Variants in TRMT61A observed in about 807,000 individuals in gnomAD.
TRMT61A encodes tRNA (adenine(58)-N(1))-methyltransferase catalytic subunit TRMT61A.
TRMT61A carries 15 observed loss-of-function variants against 21.3 expected under a neutral mutation model. That is an observed-to-expected ratio of 0.70 (90% CI 0.47 to 1.08). The LOEUF (loss-of-function observed/expected upper bound fraction) is 1.08. TRMT61A is among the 50% of genes least tolerant of loss of function. TRMT61A has a pLI of 0.00. For missense variants in TRMT61A, 352 were observed against 426.7 expected, an observed-to-expected ratio of 0.83 and a Z score of 1.54; for synonymous variants, 183 against 185.5, an observed-to-expected ratio of 0.99 and a Z score of 0.11.
intron 2 of TRMT61A, 67 bp downstream of exon 2, chr14:103,530,376 G>A: frequency 2.9e-6 from 4 of 1,370,994 alleles, no homozygotes; most frequent in South Asian, 2.7e-5. Flanking sequence ...AGAGCCTCCA[G>A]CCTGCCCTTC....
chr14:103,531,456 C>T lies in TRMT61A; in HGVS notation c.332-1126C>T, dbSNP rs1023096906. Reference sequence around the variant, plus strand: ...AGGCCCTGCAGTTGGAGCATGCTGCCGAGTCAGGCTCAGTGGGGGAGGCAG... The same window carrying T: ...AGGCCCTGCAGTTGGAGCATGCTGCTGAGTCAGGCTCAGTGGGGGAGGCAG... On this transcript the variant is annotated intron_variant, in intron 2 of 3. Coordinates refer to ENST00000389749, the MANE Select transcript of TRMT61A (RefSeq NM_152307.3). This position sits in a 1 kb window ranked among gnomAD's most constrained non-coding sequence, Gnocchi z 5.1. Among the ~76,000 whole-genome samples, 10 of 152,148 alleles carry T rather than the reference C, an allele frequency of 6.6e-5. No individual in the cohort carries two copies. The highest frequency in any genetic ancestry group is 8.8e-5 in the Non-Finnish European group (6 of 68,024).
Position 103,536,436 on chromosome 14 carries a change from C to A in TRMT61A, c.*1615C>A, listed in dbSNP as rs1423148581. On this transcript the variant is annotated 3_prime_UTR_variant, in exon 4 of 4. Coordinates refer to ENST00000389749, the MANE Select transcript of TRMT61A (RefSeq NM_152307.3). ...GCCTGTGTCCCTGAGAGTTGCTCAGCCCTGCTCCGAGGGCTTGTCCTCTCC... is the reference window on the plus strand; with the variant it reads ...GCCTGTGTCCCTGAGAGTTGCTCAGACCTGCTCCGAGGGCTTGTCCTCTCC... 1 of 152,328 alleles carries A rather than the reference C, an allele frequency of 6.6e-6. No individual in the cohort carries two copies. Among genetic ancestry groups the A allele is most frequent in the Non-Finnish European group, 1.5e-5 (1 of 68,134 alleles). The allele number at this position is 152,328 out of a possible 1,614,324, so 9.4% of individuals were successfully genotyped here.
Position 103,529,253 on chromosome 14 carries a change from G to T in TRMT61A, c.-38G>T, listed in dbSNP as rs747557681. The T allele has an allele frequency of 1.2e-5, 4 of 326,574 alleles. No homozygotes were observed. The highest frequency in any genetic ancestry group is 4.2e-5 in the South Asian group (2 of 47,890). 20.2% of individuals were successfully genotyped at this position (326,574 alleles called of 1,614,324 possible). ...CACGTGTGGAGCCCCGGCAGCAGGAGCGTCGCAGGTGAGACTCCGCGGGGT... is the reference window on the plus strand; with the variant it reads ...CACGTGTGGAGCCCCGGCAGCAGGATCGTCGCAGGTGAGACTCCGCGGGGT... On this transcript the variant is annotated 5_prime_UTR_variant, in exon 1 of 4. Transcript: ENST00000389749.
rs1004342189 is a variant in TRMT61A at position 103,531,741 on chromosome 14, A to G, written c.332-841A>G. On this transcript the variant is annotated intron_variant, in intron 2 of 3. Coordinates refer to ENST00000389749, the MANE Select transcript of TRMT61A (RefSeq NM_152307.3). The surrounding 1 kb of genome is among the most constrained non-coding windows in gnomAD (Gnocchi z 5.1). ...TCTGGCCCAAGCACTTGCGATGCTC[A>G]GCGCTATTTGGGTTCCAGGCATGGG... 6.6e-6 allele frequency among the ~76,000 whole-genome samples: 1 copy of G among 152,136 alleles called. No homozygotes were observed. Among genetic ancestry groups the G allele is most frequent in the African/African-American group, 2.4e-5 (1 of 41,444 alleles).
In TRMT61A at chr14:103,535,267, T is replaced by G. The variant is rs111867935; in HGVS notation, c.*446T>G. ...CACGGGGCCTGAGACCATCTCGTGC[T>G]TCTCCAGTCCCCGGGCCGAGGCTCC... On this transcript the variant is annotated 3_prime_UTR_variant, in exon 4 of 4. Coordinates refer to ENST00000389749, the MANE Select transcript of TRMT61A (RefSeq NM_152307.3). The G allele has an allele frequency of 1.3e-3, 579 of 453,026 alleles. 7 individuals are homozygous for G. The highest frequency in any genetic ancestry group is 0.011 in the African/African-American group (529 of 50,156). The allele number at this position is 453,026 out of a possible 1,614,324, so 28.1% of individuals were successfully genotyped here. A position where few individuals can be genotyped will look rare whatever the true frequency, so the allele number is the denominator to read the frequency against.
Position 103,535,265 on chromosome 14 carries a change from G to C in TRMT61A, c.*444G>C, listed in dbSNP as rs1443222579. ...CCCACGGGGCCTGAGACCATCTCGT[G>C]CTTCTCCAGTCCCCGGGCCGAGGCT... On this transcript the variant is annotated 3_prime_UTR_variant, in exon 4 of 4. Transcript: ENST00000389749. The C allele has an allele frequency of 4.4e-6, 2 of 453,814 alleles. No individual in the cohort carries two copies. Among genetic ancestry groups the C allele is most frequent in the Non-Finnish European group, 8.8e-6 (2 of 226,678 alleles). The allele number at this position is 453,814 out of a possible 1,614,324, so 28.1% of individuals were successfully genotyped here.
At position 103,531,616 on chromosome 14, in the gene TRMT61A, G is replaced by A. The variant is rs1159690197; in HGVS notation, c.332-966G>A. ...GGCAGCAGGCTGGGGGCACCCAGGG[G>A]AGGGGCTGGACAGGTGGGGAGAGGG... On this transcript the variant is annotated intron_variant, in intron 2 of 3. Transcript: ENST00000389749. The surrounding 1 kb of genome is among the most constrained non-coding windows in gnomAD (Gnocchi z 5.1). Among the ~76,000 whole-genome samples the A allele has an allele frequency of 6.6e-6, 1 of 152,138 alleles. No homozygotes were observed. The highest frequency in any genetic ancestry group is 1.5e-5 in the Non-Finnish European group (1 of 68,000).
chr14:103,533,800 G>A (rs1173627277), intron 3 of TRMT61A, among the ~76,000 whole-genome samples: 2 of 152,248 alleles, frequency 1.3e-5, no homozygotes, highest in Non-Finnish European at 2.9e-5. Flanking sequence ...CGCTGGGGAG[G>A]ATGCGGCATG....
chr14:103,529,735 C>T (rs990504957), intron 1 of TRMT61A, among the ~76,000 whole-genome samples: 7 of 152,344 alleles, frequency 4.6e-5, no homozygotes, highest in African/African-American at 7.2e-5. Context: ...GCTCATAGTC[C>T]CTGTCTCTTG....
chr14:103,533,772 C>T (rs1267567969), intron 3 of TRMT61A, among the ~76,000 whole-genome samples: 1 of 152,218 alleles, frequency 6.6e-6, no homozygotes, highest in African/African-American at 2.4e-5. Context: ...CCGGCATCTC[C>T]TGCCGGCCAC....
Position 103,534,696 on chromosome 14 carries a change from G to C in TRMT61A, c.745G>C (p.Asp249His), listed in dbSNP as rs773286176. The C allele has an allele frequency of 6.2e-7, 1 of 1,608,136 alleles. No homozygotes were observed. Among genetic ancestry groups the C allele is most frequent in the Admixed American group, 1.7e-5 (1 of 59,904 alleles). ...GCGCACTGTCAGCCTGCCACCGCCC[G>C]ACCTGGGCACAGGCACAGATGGCCC... The part of the protein sequence containing the change: ...NVRTVSLPPP[D>H]LGTGTDGPAG... The change falls in exon 4 of 4, where the codon GAC (aspartate) becomes CAC (histidine). Residue 249 changes from aspartate to histidine, a missense_variant. Physicochemically the swap from Asp to His is moderately conservative, Grantham distance 81. Transcript: ENST00000389749.
Position 103,535,288 on chromosome 14 carries a change from G to A in TRMT61A, c.*467G>A, listed in dbSNP as rs1403349193. 1 of 453,994 alleles carries A rather than the reference G, an allele frequency of 2.2e-6. No homozygotes were observed. The highest frequency in any genetic ancestry group is 4.4e-6 in the Non-Finnish European group (1 of 226,312). 28.1% of individuals were successfully genotyped at this position (453,994 alleles called of 1,614,324 possible). The stretch of plus-strand genomic sequence containing the variant: ...GTGCTTCTCCAGTCCCCGGGCCGAG[G>A]CTCCAGCCTTGGCCAGAAGCTGGGG... On this transcript the variant is annotated 3_prime_UTR_variant, in exon 4 of 4. Transcript: ENST00000389749.
At chr14:103,532,949 C>A in intron 3 of TRMT61A, 101 bp downstream of exon 3, 1 of 1,427,830 alleles carries the variant, frequency 7.0e-7, no homozygotes, top group Non-Finnish European at 9.3e-7. Flanking sequence ...GACCAAGCCA[C>A]ACCATGGCAG....
At chr14:103,534,527 C>A in intron 3 of TRMT61A, 23 bp from the exon 4 acceptor site, 2 of 1,537,664 alleles carry the variant, frequency 1.3e-6, no homozygotes, top group East Asian at 4.6e-5. Context: ...TGCCCTCTGA[C>A]CCTCGGGTCC....
intron 3 of TRMT61A, 126 bp from the exon 4 acceptor site, chr14:103,534,424 G>A: frequency 8.7e-7 from 1 of 1,144,462 alleles, no homozygotes; most frequent in Middle Eastern, 3.1e-4. Flanking sequence ...TGGAGAGCTT[G>A]CAGTCTGTGT....
In TRMT61A at chr14:103,532,692, T is replaced by C. The variant is rs557071436; in HGVS notation, c.442T>C (p.Phe148Leu). 5.5e-5 allele frequency: 88 copies of C among 1,612,918 alleles called. No homozygotes were observed. Among genetic ancestry groups the C allele is most frequent in the Non-Finnish European group, 7.5e-5 (88 of 1,179,860 alleles). The change falls in exon 3 of 4, where the codon TTC becomes CTC. Residue 148 changes from phenylalanine to leucine, a missense_variant. Coordinates refer to ENST00000389749, the MANE Select transcript of TRMT61A (RefSeq NM_152307.3). ...GCGGGCAGAGAAGGCCCGGGAGGAG[T>C]TCCAGGAGCACCGTGTGGGCCGCTG... ...QQRAEKAREE[F>L]QEHRVGRWVT...
intron 2 of TRMT61A, 43 bp downstream of exon 2, chr14:103,530,352 C>T: frequency 1.3e-6 from 2 of 1,531,126 alleles, no homozygotes; most frequent in South Asian, 2.5e-5. Flanking sequence ...GAAATTGACA[C>T]AAAGGTGGAG....
At position 103,531,170 on chromosome 14, in the gene TRMT61A, C is replaced by T. The variant is rs1209242079; in HGVS notation, c.331+861C>T. ...GGCCTCCTCAGATATGCCAGGTCCC[C>T]TCCTAGGAACCGTGAACTAGAGAGA... On this transcript the variant is annotated intron_variant, in intron 2 of 3. Transcript: ENST00000389749. This position sits in a 1 kb window ranked among gnomAD's most constrained non-coding sequence, Gnocchi z 5.1. Among the ~76,000 whole-genome samples, 1 of 152,180 alleles carries T rather than the reference C, an allele frequency of 6.6e-6. No individual in the cohort carries two copies. The highest frequency in any genetic ancestry group is 1.5e-5 in the Non-Finnish European group (1 of 68,002).
intron 3 of TRMT61A, among the ~76,000 whole-genome samples, chr14:103,533,613 C>A (rs992852219): frequency 1.3e-5 from 2 of 152,280 alleles, no homozygotes; most frequent in African/African-American, 2.4e-5. Context: ...GAGGCTGAAC[C>A]CGGCAGAGCC....
Sources: allele counts gnomAD v4.1 joint callset (sites outside exome capture counted in the v4.1 genomes callset), GRCh38; gene constraint gnomAD v4.1.1; non-coding constraint Gnocchi (gnomAD v3.1); transcripts MANE v1.5; gene names NCBI Gene and HGNC (gene_info 2026-07-23, HGNC 2026-07-21).